The following COLEC12 variants were observed in gnomAD, a reference collection of about 807,000 sequenced individuals.
COLEC12 encodes the protein collectin-12.
COLEC12 carries 33 observed loss-of-function variants against 71.1 expected under a neutral mutation model. That is an observed-to-expected ratio of 0.46 (90% CI 0.35 to 0.62). The LOEUF is 0.62. Among genes scored for constraint, COLEC12 ranks in the 20% least tolerant of loss-of-function variants. The pLI, the probability that COLEC12 is intolerant of heterozygous loss-of-function variation, is 0.00. For synonymous variants in COLEC12, 350 were observed against 353.0 expected, an observed-to-expected ratio of 0.99 and a Z score of 0.10; for missense variants, 765 against 916.1, an observed-to-expected ratio of 0.84 and a Z score of 2.13.
At chr18:457,733 CT>C (rs1320127185) in intron 2 of COLEC12, among the ~76,000 whole-genome samples, 34 of 152,186 alleles carry the variant, frequency 2.2e-4, no homozygotes. Context: ...AATGTCTCAG[CT>C]GTTTCCGACT....
rs1382519626 is a variant in COLEC12 at position 490,898 on chromosome 18, G to C, written c.7+9610C>G. Among the ~76,000 whole-genome samples, 4 of 152,240 alleles carry C rather than the reference G, an allele frequency of 2.6e-5. No homozygotes were observed. The East Asian group carries it at 5.8e-4, about 22-fold the overall frequency. ...GAAGTTAGACTTCTCTTCCATGCTGGCCCACTGGCGCTGTCTACATATGAG... is the reference window on the plus strand; with the variant it reads ...GAAGTTAGACTTCTCTTCCATGCTGCCCCACTGGCGCTGTCTACATATGAG... On this transcript the variant is annotated intron_variant, in intron 1 of 9. Transcript: ENST00000400256.
At chr18:370,713 C>T (rs948853591) in intron 2 of COLEC12, among the ~76,000 whole-genome samples, 1 of 152,114 alleles carries the variant, frequency 6.6e-6, no homozygotes, top group Non-Finnish European at 1.5e-5. Flanking sequence ...ACAACGGGAT[C>T]CCAGGGATGG....
At chr18:423,574 G>C (rs1403551278) in intron 2 of COLEC12, among the ~76,000 whole-genome samples, 2 of 152,014 alleles carry the variant, frequency 1.3e-5, no homozygotes, top group African/African-American at 2.4e-5. Context: ...TGCCTTCCTA[G>C]AAAAATCTTA....
Position 319,976 on chromosome 18 carries a change from G to T in COLEC12, c.*69C>A. ...TTTTTCAATCTGATGAGAAGGTGAT[G>T]CAATTAGAAAGGAGTGTCCTTTGCC... is the stretch of plus-strand genomic sequence containing the variant. On this transcript the variant is annotated 3_prime_UTR_variant, in exon 10 of 10. Transcript: ENST00000400256. 1.2e-6 allele frequency: 1 copy of T among 857,542 alleles called. No individual in the cohort carries two copies. Among genetic ancestry groups the T allele is most frequent in the Non-Finnish European group, 1.9e-6 (1 of 529,580 alleles). 53.1% of individuals were successfully genotyped at this position (857,542 alleles called of 1,614,324 possible). A position where few individuals can be genotyped will look rare whatever the true frequency, so the allele number is the denominator to read the frequency against.
intron 2 of COLEC12, among the ~76,000 whole-genome samples, chr18:372,391 T>C (rs980558817): frequency 9.2e-5 from 14 of 152,110 alleles, no homozygotes; most frequent in African/African-American, 3.4e-4. Context: ...CCATATCATT[T>C]TGGAGGGTAT....
chr18:465,036 T>G (rs947800172), intron 2 of COLEC12, among the ~76,000 whole-genome samples: 1 of 152,184 alleles, frequency 6.6e-6, no homozygotes, highest in African/African-American at 2.4e-5. Flanking sequence ...TTTTTTAAAG[T>G]TGACCCCTTC....
At chr18:423,598 T>C (rs1443600106) in intron 2 of COLEC12, 1 of 152,204 alleles carries the variant, frequency 6.6e-6, no homozygotes, top group African/African-American at 2.4e-5. Flanking sequence ...AATTACTCTT[T>C]CTAGCAGAAA....
chr18:378,855 G>A (rs1028084757), intron 2 of COLEC12, among the ~76,000 whole-genome samples: 1 of 151,980 alleles, frequency 6.6e-6, no homozygotes, highest in Non-Finnish European at 1.5e-5. Flanking sequence ...CCAAGTACCT[G>A]CTTTGCTCTG....
At chr18:368,704 A>T (rs1420460901) in intron 2 of COLEC12, among the ~76,000 whole-genome samples, 1 of 151,854 alleles carries the variant, frequency 6.6e-6, no homozygotes, top group Non-Finnish European at 1.5e-5. Context: ...CTCCACTAAA[A>T]AATACAAAAA....
At chr18:331,817 G>T in intron 7 of COLEC12, 40 bp from the exon 8 acceptor site, 2 of 1,218,082 alleles carry the variant, frequency 1.6e-6, no homozygotes, top group Non-Finnish European at 2.4e-6. Flanking sequence ...CTATTTTTCA[G>T]AACAGATGTC....
At chr18:374,812 G>A (rs1915078451) in intron 2 of COLEC12, among the ~76,000 whole-genome samples, 1 of 152,178 alleles carries the variant, frequency 6.6e-6, no homozygotes, top group Non-Finnish European at 1.5e-5. Flanking sequence ...AACACGTTAT[G>A]CATGGTGAGT....
chr18:415,879 A>C (rs1381505092), intron 2 of COLEC12, among the ~76,000 whole-genome samples: 2 of 152,248 alleles, frequency 1.3e-5, no homozygotes, highest in Non-Finnish European at 2.9e-5. Context: ...ATAGTAACTT[A>C]TGAACCTAAT....
chr18:496,698 C>A (rs920800971), intron 1 of COLEC12, among the ~76,000 whole-genome samples: 1 of 152,202 alleles, frequency 6.6e-6, no homozygotes, highest in African/African-American at 2.4e-5. Flanking sequence ...AATATTTATG[C>A]ACAAAAGTAC....
intron 5 of COLEC12, among the ~76,000 whole-genome samples, chr18:342,644 G>A (rs530791065): frequency 5.3e-5 from 8 of 152,328 alleles, no homozygotes; most frequent in Admixed American, 1.3e-4. Context: ...GAAAACACTT[G>A]CATTCAGAAA....
At chr18:389,468 C>T (rs761274756) in intron 2 of COLEC12, among the ~76,000 whole-genome samples, 8 of 151,788 alleles carry the variant, frequency 5.3e-5, no homozygotes, top group South Asian at 2.1e-4. Context: ...TTAGTAGAGA[C>T]GGGGTTTCGC....
chr18:336,150 C>T (rs1224867315), intron 5 of COLEC12, among the ~76,000 whole-genome samples: 1 of 152,212 alleles, frequency 6.6e-6, no homozygotes, highest in Non-Finnish European at 1.5e-5. Context: ...TCCCTGTAAG[C>T]TTCCTCTCTG....
At chr18:488,940 C>G (rs8096224) in intron 1 of COLEC12, among the ~76,000 whole-genome samples, 6,008 of 151,710 alleles carry the variant, frequency 0.04, 233 homozygotes, top group African/African-American at 0.093. Context: ...ACAGGTGTTT[C>G]CCGGAAAAAG....
intron 2 of COLEC12, among the ~76,000 whole-genome samples, chr18:455,263 T>C (rs1916842125): frequency 6.6e-6 from 1 of 151,270 alleles, no homozygotes; most frequent in Non-Finnish European, 1.5e-5. Flanking sequence ...TATTTTTGTT[T>C]TGTTTTATTT....
At chr18:377,620 A>C (rs928131486) in intron 2 of COLEC12, among the ~76,000 whole-genome samples, 14 of 152,228 alleles carry the variant, frequency 9.2e-5, no homozygotes, top group African/African-American at 3.4e-4. Flanking sequence ...ATTTGGGAGA[A>C]GTGCGCTGGG....
Sources: gnomAD v4.1 joint callset for allele counts (sites outside exome capture counted in the v4.1 genomes callset) on GRCh38, gnomAD v4.1.1 for gene constraint, MANE v1.5 for transcripts, NCBI Gene and HGNC (gene_info 2026-07-23, HGNC 2026-07-21) for gene names.